Variants in STAU2 observed in about 807,000 individuals in gnomAD.
STAU2 encodes staufen double-stranded RNA binding protein 2.
A neutral mutation model predicts 65.9 loss-of-function variants in STAU2; 20 were observed. The ratio of observed to expected loss-of-function variants is 0.30; its 90% CI spans 0.21 to 0.44. STAU2 has a LOEUF of 0.44. Among genes scored for constraint, STAU2 ranks in the 20% least tolerant of loss-of-function variants. The pLI is 1.00. For missense variants in STAU2, 558 were observed against 683.9 expected (o/e 0.82, Z 2.05); for synonymous variants, 232 against 233.9 (o/e 0.99, Z 0.07).
At chr8:73,542,320 T>G (rs1806597675) in intron 13 of STAU2, among the ~76,000 whole-genome samples, 1 of 152,080 alleles carries the variant, frequency 6.6e-6, no homozygotes, top group African/African-American at 2.4e-5. Context: ...TACCATACAT[T>G]AAAAATTAAC....
chr8:73,572,889 C>T lies in STAU2; in HGVS notation c.1222+9881G>A, dbSNP rs961931240. 6.6e-5 allele frequency among the ~76,000 whole-genome samples: 10 copies of T among 151,876 alleles called. 1 individual carries two copies. The highest frequency in any genetic ancestry group is 1.9e-4 in the African/African-American group (8 of 41,306). ...TCCTATTCAACATAGTGTTGGAAGT[C>T]CTGGCCATGGCAATCAGGCAGGAGA... On this transcript the variant is annotated intron_variant, in intron 12 of 14. Coordinates refer to ENST00000524300, the MANE Select transcript of STAU2 (RefSeq NM_001164380.2).
chr8:73,746,357 T>C (rs1346363457), intron 1 of STAU2, among the ~76,000 whole-genome samples: 1 of 150,638 alleles, frequency 6.6e-6, no homozygotes, highest in Non-Finnish European at 1.5e-5. Flanking sequence ...ACACCGTGGC[T>C]GCACTCGCCG....
At chr8:73,482,725 CAG>C (rs1437375745) in intron 13 of STAU2, among the ~76,000 whole-genome samples, 1 of 152,058 alleles carries the variant, frequency 6.6e-6, no homozygotes, top group African/African-American at 2.4e-5. Flanking sequence ...CTAATTGTGA[CAG>C]ATATTTTAAC....
rs56687221 is a variant in STAU2 at position 73,586,646 on chromosome 8, C to CAAA, written c.1162-3819_1162-3817dup. Among the ~76,000 whole-genome samples the CAAA allele has an allele frequency of 2.2e-3, 135 of 62,688 alleles. 1 individual carries two copies. Among genetic ancestry groups the CAAA allele is most frequent in the Non-Finnish European group, 2.7e-3 (75 of 27,932 alleles). The allele number at this position is 62,688 out of a possible 152,430, so 41.1% of individuals were successfully genotyped here. On this transcript the variant is annotated intron_variant, in intron 11 of 14. Coordinates refer to ENST00000524300, the MANE Select transcript of STAU2 (RefSeq NM_001164380.2). ...TGAGGAGAACAGAAGAAAAAAAATG[C>CAAA]AAAAAAAAAAAAAAAAAAAAATCCT... is the stretch of plus-strand genomic sequence containing the variant.
chr8:73,434,633 A>G (rs1817561414), intron 13 of STAU2, among the ~76,000 whole-genome samples: 1 of 151,864 alleles, frequency 6.6e-6, no homozygotes, highest in African/African-American at 2.4e-5. Context: ...GCACCGGATT[A>G]TCTGAGAGGT....
In STAU2 at chr8:73,457,214, G is replaced by T. The variant is rs573218914; in HGVS notation, c.1531-34512C>A. 6.4e-3 allele frequency among the ~76,000 whole-genome samples: 832 copies of T among 129,014 alleles called. 5 individuals carry two copies. The highest frequency in any genetic ancestry group is 0.021 in the African/African-American group (807 of 37,730). 84.6% of individuals were successfully genotyped at this position (129,014 alleles called of 152,430 possible). On this transcript the variant is annotated intron_variant, in intron 13 of 14. Coordinates refer to ENST00000524300, the MANE Select transcript of STAU2 (RefSeq NM_001164380.2). ...TACTAAAGAGATCTACCCCAGCTTA[G>T]AAACACACAGAAAGAAATTTCAACA...
chr8:73,589,843 A>G (rs1810637883), intron 11 of STAU2, among the ~76,000 whole-genome samples: 1 of 152,124 alleles, frequency 6.6e-6, no homozygotes, highest in Admixed American at 6.6e-5. Flanking sequence ...TCACAGATCC[A>G]AAATGCTCAG....
intron 13 of STAU2, among the ~76,000 whole-genome samples, chr8:73,509,607 C>CA: frequency 6.6e-6 from 1 of 151,858 alleles, no homozygotes; most frequent in Middle Eastern, 3.4e-3. Context: ...ATGCATTTGC[C>CA]AAAATTCACA....
rs192391375 is a variant in STAU2 at position 73,550,284 on chromosome 8, C to T, written c.1530+1728G>A. The T allele has an allele frequency of 1.3e-4, 127 of 984,688 alleles. No individual in the cohort carries two copies. The Middle Eastern group carries it at 4.2e-3, about 32-fold the overall frequency. 61.0% of individuals were successfully genotyped at this position (984,688 alleles called of 1,614,324 possible). ...GCTTTTTAAAAAGGCCTTAGCAATG[C>T]AATAATGAGGGAAGCAGACTCTACA... On this transcript the variant is annotated intron_variant, in intron 13 of 14. Transcript: ENST00000524300.
intron 13 of STAU2, among the ~76,000 whole-genome samples, chr8:73,427,388 T>C (rs1816903849): frequency 6.6e-6 from 1 of 152,224 alleles, no homozygotes; most frequent in Non-Finnish European, 1.5e-5. Flanking sequence ...GGCCCCACCT[T>C]ATTTTAATGT....
intron 13 of STAU2, among the ~76,000 whole-genome samples, chr8:73,457,693 C>T (rs1215970079): frequency 6.6e-6 from 1 of 152,194 alleles, no homozygotes; most frequent in Admixed American, 6.5e-5. Context: ...TTTGTATTTG[C>T]CTGACTCTCC....
chr8:73,613,260 C>A (rs1194805933), intron 9 of STAU2, among the ~76,000 whole-genome samples: 1 of 152,092 alleles, frequency 6.6e-6, no homozygotes, highest in Admixed American at 6.5e-5. Flanking sequence ...TTGTGTGTAT[C>A]CTGTTACCAT....
chr8:73,505,368 G>A (rs1822004134), intron 13 of STAU2, among the ~76,000 whole-genome samples: 1 of 152,048 alleles, frequency 6.6e-6, no homozygotes, highest in Non-Finnish European at 1.5e-5. Flanking sequence ...TAGTGAACAG[G>A]AATTGAGGTC....
At chr8:73,511,518 G>A (rs956556174) in intron 13 of STAU2, 1 of 152,686 alleles carries the variant, frequency 6.5e-6, no homozygotes, top group African/African-American at 2.4e-5. Flanking sequence ...GAGTTGTGTG[G>A]CCTTGGCCAG....
chr8:73,616,410 C>T (rs1812837181), intron 7 of STAU2, among the ~76,000 whole-genome samples: 1 of 151,966 alleles, frequency 6.6e-6, no homozygotes, highest in Non-Finnish European at 1.5e-5. Flanking sequence ...CAGAAAAACA[C>T]CTAAGTCTGC....
chr8:73,546,979 A>C (rs1806981189), intron 13 of STAU2, among the ~76,000 whole-genome samples: 1 of 152,206 alleles, frequency 6.6e-6, no homozygotes, highest in African/African-American at 2.4e-5. Flanking sequence ...AAGTAGTAGA[A>C]TTTTCATGTT....
intron 3 of STAU2, among the ~76,000 whole-genome samples, chr8:73,733,359 C>G (rs1806203824): frequency 6.6e-6 from 1 of 152,150 alleles, no homozygotes; most frequent in African/African-American, 2.4e-5. Flanking sequence ...AAAACTTGGC[C>G]CTACTTCAGC....
intron 3 of STAU2, among the ~76,000 whole-genome samples, chr8:73,716,967 A>T (rs1032607429): frequency 6.6e-6 from 1 of 152,052 alleles, no homozygotes; most frequent in Non-Finnish European, 1.5e-5. Flanking sequence ...TGGGCACGGT[A>T]GTGTGCGCCT....
chr8:73,584,165 C>T (rs919840442), intron 11 of STAU2, among the ~76,000 whole-genome samples: 13 of 152,180 alleles, frequency 8.5e-5, no homozygotes, highest in African/African-American at 3.1e-4. Flanking sequence ...ATGTTAGAAA[C>T]AACCAGCAGC....
Sources: gnomAD v4.1 joint callset for allele counts (sites outside exome capture counted in the v4.1 genomes callset) on GRCh38, gnomAD v4.1.1 for gene constraint, MANE v1.5 for transcripts, NCBI Gene and HGNC (gene_info 2026-07-23, HGNC 2026-07-21) for gene names.